The following LRRC4C variants were observed in gnomAD, a reference collection of about 807,000 sequenced individuals.
LRRC4C encodes the protein leucine rich repeat containing 4C, also known as leucine-rich repeat-containing protein 4C.
LRRC4C carries 5 observed loss-of-function variants against 33.6 expected under a neutral mutation model. The observed-to-expected ratio is 0.15, with a 90% CI of 0.08 to 0.31. The LOEUF is 0.31. LRRC4C is among the 10% of genes least tolerant of loss of function. The probability of loss-of-function intolerance (pLI) is 1.00; values close to 1 mark genes in which losing one functional copy is unlikely to be tolerated. For synonymous variants in LRRC4C, 329 were observed against 302.0 expected, an observed-to-expected ratio of 1.09 and a Z score of -0.93; for missense variants, 560 against 796.7, an observed-to-expected ratio of 0.70 and a Z score of 3.58.
At chr11:41,078,338 G>A (rs899717968) in intron 1 of LRRC4C, among the ~76,000 whole-genome samples, 8 of 152,098 alleles carry the variant, frequency 5.3e-5, no homozygotes, top group Admixed American at 4.6e-4. Context: ...TATCTTTATG[G>A]CAGTGCTCCA....
chr11:40,806,251 G>A (rs1189388878), intron 2 of LRRC4C, among the ~76,000 whole-genome samples: 1 of 152,212 alleles, frequency 6.6e-6, no homozygotes, highest in African/African-American at 2.4e-5. Context: ...AGCTTGGGAT[G>A]AGAAGGCTCA....
chr11:40,952,664 G>A (rs764456169), intron 1 of LRRC4C, among the ~76,000 whole-genome samples: 2 of 151,806 alleles, frequency 1.3e-5, no homozygotes, highest in African/African-American at 2.4e-5. Context: ...CCAACAAGAC[G>A]CTCCAGGAGA....
intron 1 of LRRC4C, among the ~76,000 whole-genome samples, chr11:41,133,447 T>C (rs1943108628): frequency 6.6e-6 from 1 of 152,084 alleles, no homozygotes; most frequent in Admixed American, 6.6e-5. Context: ...TGTGTATCTG[T>C]TAGTTATAAA....
rs1855368557 is a variant in LRRC4C, at chr11:40,115,591, G to A, written c.702C>T (p.Ile234=). The change falls in exon 7 of 7, where the codon ATC becomes ATT. Residue 234 remains isoleucine, a synonymous_variant. Transcript: ENST00000528697. This position sits in a 1 kb window ranked among gnomAD's most constrained non-coding sequence, Gnocchi z 6.7. The stretch of plus-strand genomic sequence containing the variant: ...TCAAACCCTGGAAAGAGCCAGGCCT[G>A]ATGGCAGATAAATGATTCCCAGAAA... ...LDLSGNHLSA[I]RPGSFQGLMH... 1 of 1,614,204 alleles carries A rather than the reference G, an allele frequency of 6.2e-7. No homozygotes were observed. The highest frequency in any genetic ancestry group is 8.5e-7 in the Non-Finnish European group (1 of 1,180,038).
intron 5 of LRRC4C, among the ~76,000 whole-genome samples, chr11:40,237,273 C>T (rs780243984): frequency 1.3e-5 from 2 of 152,152 alleles, no homozygotes; most frequent in East Asian, 3.9e-4. Context: ...CTTTCTTCTG[C>T]CTTTTACCTA....
chr11:41,295,788 A>T (rs184170016), intron 1 of LRRC4C, among the ~76,000 whole-genome samples: 71 of 152,284 alleles, frequency 4.7e-4, no homozygotes, highest in African/African-American at 1.6e-3. Flanking sequence ...TCTTGACTAA[A>T]GTCAAGTGGT....
chr11:40,490,264 A>G (rs979666592), intron 3 of LRRC4C, among the ~76,000 whole-genome samples: 1 of 152,150 alleles, frequency 6.6e-6, no homozygotes, highest in Non-Finnish European at 1.5e-5. Flanking sequence ...CCAAGCTGAC[A>G]TTAATCTTTT....
intron 1 of LRRC4C, among the ~76,000 whole-genome samples, chr11:41,260,066 A>G (rs1948928272): frequency 1.3e-5 from 2 of 151,840 alleles, no homozygotes; most frequent in African/African-American, 4.8e-5. Context: ...CCCTCTGGAG[A>G]TTATTTTTTG....
At chr11:40,524,141 C>T (rs1955940217) in intron 3 of LRRC4C, among the ~76,000 whole-genome samples, 2 of 152,078 alleles carry the variant, frequency 1.3e-5, no homozygotes, top group Non-Finnish European at 1.5e-5. Context: ...AAGGGTTTTT[C>T]CTATATTTGC....
At chr11:40,259,757 T>A (rs1426598337) in intron 4 of LRRC4C, among the ~76,000 whole-genome samples, 1 of 152,128 alleles carries the variant, frequency 6.6e-6, no homozygotes, top group Non-Finnish European at 1.5e-5. Flanking sequence ...CTCTGTTCTG[T>A]TCCATTGATC....
At chr11:40,329,086 C>G (rs113816370) in intron 3 of LRRC4C, among the ~76,000 whole-genome samples, 34 of 152,104 alleles carry the variant, frequency 2.2e-4, no homozygotes, top group Non-Finnish European at 5.9e-5. Flanking sequence ...GCAAATAGAC[C>G]GTGAGTGAGT....
chr11:40,747,853 A>T (rs1169639163), intron 2 of LRRC4C, among the ~76,000 whole-genome samples: 1 of 152,150 alleles, frequency 6.6e-6, no homozygotes, highest in Non-Finnish European at 1.5e-5. Flanking sequence ...TTTTGAAATA[A>T]CTCACTTGGA....
At chr11:40,474,261 C>T (rs890745743) in intron 3 of LRRC4C, among the ~76,000 whole-genome samples, 40 of 151,988 alleles carry the variant, frequency 2.6e-4, no homozygotes, top group African/African-American at 9.7e-4. Flanking sequence ...AGAACAGAGG[C>T]CTCAGAAATA....
At chr11:40,510,334 T>C (rs939580099) in intron 3 of LRRC4C, among the ~76,000 whole-genome samples, 1 of 151,730 alleles carries the variant, frequency 6.6e-6, no homozygotes, top group Non-Finnish European at 1.5e-5. Context: ...GTGTATGAGA[T>C]GGCTAAAATA....
chr11:41,452,206 A>C (rs574570778), intron 1 of LRRC4C, among the ~76,000 whole-genome samples: 55 of 152,218 alleles, frequency 3.6e-4, no homozygotes, highest in African/African-American at 1.3e-3. Flanking sequence ...TACACCCTGC[A>C]CCATTGTGTG....
intron 3 of LRRC4C, among the ~76,000 whole-genome samples, chr11:40,502,965 G>A (rs962181023): frequency 2.0e-5 from 3 of 152,128 alleles, no homozygotes; most frequent in South Asian, 2.1e-4. Flanking sequence ...CACCCACAAC[G>A]TTGACAACTT....
intron 1 of LRRC4C, among the ~76,000 whole-genome samples, chr11:41,423,665 A>C (rs1954944558): frequency 6.6e-6 from 1 of 152,112 alleles, no homozygotes; most frequent in Non-Finnish European, 1.5e-5. Context: ...GTAGCAAAAT[A>C]CTTCTCAAAC....
At chr11:41,419,288 G>C (rs1422845524) in intron 1 of LRRC4C, among the ~76,000 whole-genome samples, 5 of 151,912 alleles carry the variant, frequency 3.3e-5, no homozygotes, top group Non-Finnish European at 5.9e-5. Context: ...TAGTCAATTT[G>C]TACAGTCATA....
At chr11:40,282,345 AAAAACAAAAC>A (rs1223047718) in intron 4 of LRRC4C, among the ~76,000 whole-genome samples, 1 of 152,106 alleles carries the variant, frequency 6.6e-6, no homozygotes, top group African/African-American at 2.4e-5. Flanking sequence ...ACTCCATCTC[AAAAACAAAAC>A]AAAACAAAAC....
Sources: gnomAD v4.1 joint callset for allele counts (sites outside exome capture counted in the v4.1 genomes callset) on GRCh38, gnomAD v4.1.1 for gene constraint, Gnocchi (gnomAD v3.1) non-coding constraint, MANE v1.5 for transcripts, NCBI Gene and HGNC (gene_info 2026-07-23, HGNC 2026-07-21) for gene names.